SMARCC1: variants seen among roughly 807,000 people sequenced by gnomAD.
SMARCC1 encodes SWI/SNF complex subunit SMARCC1.
SMARCC1 carries 43 observed loss-of-function variants against 147.4 expected under a neutral mutation model. The observed-to-expected ratio is 0.29, with a 90% CI of 0.23 to 0.38. SMARCC1 has a LOEUF of 0.38. SMARCC1 is among the 10% of genes least tolerant of loss of function. The pLI, the probability that SMARCC1 is intolerant of heterozygous loss-of-function variation, is 1.00. For synonymous variants in SMARCC1, 495 were observed against 484.4 expected (o/e 1.02, Z -0.29); for missense variants, 1,119 against 1,381.1 (o/e 0.81, Z 3.01).
chr3:47,612,256 C>A (rs779988867), intron 25 of SMARCC1, among the ~76,000 whole-genome samples: 4 of 152,142 alleles, frequency 2.6e-5, no homozygotes, highest in Non-Finnish European at 5.9e-5. Context: ...GGCTACAGAT[C>A]CTTGGTTTTG....
intron 1 of SMARCC1, among the ~76,000 whole-genome samples, chr3:47,775,412 G>A (rs1348270456): frequency 7.4e-5 from 11 of 147,938 alleles, no homozygotes; most frequent in Admixed American, 1.3e-4. Context: ...CGCCTGCCTC[G>A]GCCTCCCAAA....
chr3:47,764,963 G>A (rs548362378), intron 2 of SMARCC1, among the ~76,000 whole-genome samples: 45 of 152,038 alleles, frequency 3.0e-4, no homozygotes, highest in Non-Finnish European at 5.6e-4. Flanking sequence ...ATAAAGAAAA[G>A]CAAGGAGGCC....
chr3:47,776,339 C>T (rs1178208282), intron 1 of SMARCC1, among the ~76,000 whole-genome samples: 1 of 152,074 alleles, frequency 6.6e-6, no homozygotes, highest in African/African-American at 2.4e-5. Context: ...CGGAGGATCA[C>T]ACCCATAATC....
intron 2 of SMARCC1, among the ~76,000 whole-genome samples, chr3:47,748,327 T>A (rs1179537168): frequency 6.6e-6 from 1 of 152,052 alleles, no homozygotes; most frequent in Non-Finnish European, 1.5e-5. Context: ...AATTCTCGTA[T>A]CTCAGCCTCC....
intron 24 of SMARCC1, among the ~76,000 whole-genome samples, chr3:47,623,944 G>C (rs904858642): frequency 1.3e-5 from 2 of 150,562 alleles, no homozygotes; most frequent in African/African-American, 2.4e-5. Context: ...GTGGAAAGGG[G>C]GTCCTTAAGT....
intron 10 of SMARCC1, among the ~76,000 whole-genome samples, chr3:47,705,835 A>T (rs1279584625): frequency 6.6e-6 from 1 of 152,210 alleles, no homozygotes; most frequent in African/African-American, 2.4e-5. Context: ...ACTATTTACC[A>T]TTTATTAAGT....
At chr3:47,622,376 A>AAC (rs750648415) in intron 24 of SMARCC1, 35 bp from the exon 25 acceptor site, 1 of 1,604,514 alleles carries the variant, frequency 6.2e-7, no homozygotes, top group South Asian at 1.1e-5. Flanking sequence ...TATTTAGGTA[A>AAC]ACATTTGCTT....
chr3:47,776,024 T>C (rs1207762228), intron 1 of SMARCC1, among the ~76,000 whole-genome samples: 1 of 151,744 alleles, frequency 6.6e-6, no homozygotes, highest in Non-Finnish European at 1.5e-5. Flanking sequence ...GGTGCATGCC[T>C]ATAATCCCAG....
intron 25 of SMARCC1, among the ~76,000 whole-genome samples, chr3:47,613,712 A>G (rs1264647548): frequency 6.6e-6 from 1 of 152,188 alleles, no homozygotes; most frequent in Admixed American, 6.5e-5. Flanking sequence ...TTAATAACAA[A>G]AAAATAGGCT....
chr3:47,592,485 G>A (rs975749870), intron 26 of SMARCC1, among the ~76,000 whole-genome samples: 4 of 152,168 alleles, frequency 2.6e-5, no homozygotes, highest in African/African-American at 9.7e-5. Context: ...CTTACAACCT[G>A]TATGAAAAAC....
At chr3:47,657,220 C>G (rs575725063) in intron 21 of SMARCC1, among the ~76,000 whole-genome samples, 2 of 152,208 alleles carry the variant, frequency 1.3e-5, no homozygotes, top group African/African-American at 4.8e-5. Flanking sequence ...AAAAGATAAA[C>G]AAGGAAGTAG....
At chr3:47,753,163 G>C (rs947820582) in intron 2 of SMARCC1, among the ~76,000 whole-genome samples, 5 of 151,538 alleles carry the variant, frequency 3.3e-5, no homozygotes, top group Non-Finnish European at 7.4e-5. Flanking sequence ...GGCCAACATG[G>C]TAAAACCCCA....
chr3:47,688,043 T>C (rs1216876553), intron 13 of SMARCC1, among the ~76,000 whole-genome samples: 1 of 152,088 alleles, frequency 6.6e-6, no homozygotes, highest in Non-Finnish European at 1.5e-5. Flanking sequence ...GTGGATCACC[T>C]AAGGTCGGGA....
intron 1 of SMARCC1, among the ~76,000 whole-genome samples, chr3:47,776,770 T>C (rs2034979882): frequency 6.6e-6 from 1 of 151,728 alleles, no homozygotes; most frequent in Non-Finnish European, 1.5e-5. Context: ...GATGTAAATA[T>C]ATATATATTT....
intron 6 of SMARCC1, among the ~76,000 whole-genome samples, chr3:47,722,802 A>C (rs180936959): frequency 2.1e-4 from 32 of 152,304 alleles, no homozygotes; most frequent in Non-Finnish European, 3.7e-4. Flanking sequence ...TATATATCCC[A>C]AAAGAAGGAA....
chr3:47,638,692 G>C, intron 22 of SMARCC1, 33 bp downstream of exon 22: 3 of 1,552,222 alleles, frequency 1.9e-6, no homozygotes, highest in Non-Finnish European at 2.7e-6. Context: ...TGAAAGGCAT[G>C]CTATCTGTGG....
intron 2 of SMARCC1, among the ~76,000 whole-genome samples, chr3:47,763,598 G>A (rs2034800758): frequency 6.6e-6 from 1 of 151,228 alleles, no homozygotes; most frequent in Non-Finnish European, 1.5e-5. Flanking sequence ...CTCCCAAAGT[G>A]TTGGGATTAT....
intron 10 of SMARCC1, among the ~76,000 whole-genome samples, chr3:47,702,687 C>T (rs2033938356): frequency 1.3e-5 from 2 of 152,234 alleles, no homozygotes; most frequent in Admixed American, 6.5e-5. Flanking sequence ...CATCCTTGAA[C>T]TCCTCAGCTC....
At chr3:47,709,220 C>T (rs1283052441) in intron 9 of SMARCC1, among the ~76,000 whole-genome samples, 2 of 151,684 alleles carry the variant, frequency 1.3e-5, no homozygotes, top group African/African-American at 4.8e-5. Flanking sequence ...AAGATCATTC[C>T]ACTGCACTCC....
Sources: allele counts gnomAD v4.1 joint callset (sites outside exome capture counted in the v4.1 genomes callset), GRCh38; gene constraint gnomAD v4.1.1; transcripts MANE v1.5; gene names NCBI Gene and HGNC (gene_info 2026-07-23, HGNC 2026-07-21).